DNAJC13: variants seen among roughly 807,000 people sequenced by gnomAD.
DNAJC13 encodes the protein dnaJ homolog subfamily C member 13.
Under a neutral mutation model 290.5 loss-of-function variants are expected in DNAJC13, and 75 were observed. The ratio of observed to expected loss-of-function variants is 0.26; its 90% CI spans 0.21 to 0.31. DNAJC13 has a LOEUF of 0.31. DNAJC13 is among the 10% of genes least tolerant of loss of function. DNAJC13 has a pLI of 1.00. For missense variants in DNAJC13, 2,260 were observed against 2,674.5 expected (o/e 0.85, Z 3.42); for synonymous variants, 862 against 892.0 (o/e 0.97, Z 0.60).
chr3:132,486,082 CTTTTTTTTTTT>C (rs758049804), intron 29 of DNAJC13, among the ~76,000 whole-genome samples: 4 of 40,510 alleles, frequency 9.9e-5, no homozygotes, highest in East Asian at 6.8e-4. Flanking sequence ...ATGCCCTATC[CTTTTTTTTTTT>C]TTTTTTTTTT....
At chr3:132,473,054 A>G (rs757892080) in intron 20 of DNAJC13, 91 bp from the exon 21 acceptor site, 12 of 816,018 alleles carry the variant, frequency 1.5e-5, no homozygotes, top group Non-Finnish European at 2.4e-5. Context: ...GATGAAAGAA[A>G]TGTTTCTCAT....
chr3:132,456,864 A>G (rs377268377), intron 12 of DNAJC13, 32 bp downstream of exon 12: 46 of 1,606,058 alleles, frequency 2.9e-5, no homozygotes, highest in Middle Eastern at 1.7e-4. Flanking sequence ...AACTTCTCTT[A>G]GAGAATTTGA....
chr3:132,435,789 CATAAT>C lies in DNAJC13; in HGVS notation c.68+1174_68+1178del, dbSNP rs1370341680. 3.3e-5 allele frequency among the ~76,000 whole-genome samples: 5 copies of C among 152,248 alleles called. No homozygotes were observed. In the East Asian group the frequency reaches 7.7e-4, roughly 23 times the overall value. On this transcript the variant is annotated intron_variant, in intron 2 of 55. Coordinates refer to ENST00000260818, the MANE Select transcript of DNAJC13 (RefSeq NM_015268.4). ...TCAAGTGGTAGATTACTTTGGTCAT[CATAAT>C]ATGACTTCCGTTTTTAATATGATTA...
intron 55 of DNAJC13, chr3:132,537,411 G>T (rs776668661): frequency 1.2e-5 from 4 of 347,252 alleles, no homozygotes; most frequent in Non-Finnish European, 2.3e-5. Flanking sequence ...AGTGTCCCTT[G>T]CAAGTACTTG....
At chr3:132,472,918 T>C (rs920582819) in intron 20 of DNAJC13, among the ~76,000 whole-genome samples, 1 of 152,250 alleles carries the variant, frequency 6.6e-6, no homozygotes, top group Admixed American at 6.5e-5. Flanking sequence ...ACATGGAAAA[T>C]ACTTGAGTAA....
In DNAJC13 at chr3:132,502,188, C is replaced by T. The variant is rs377434078; in HGVS notation, c.4537-101C>T. 44 of 964,918 alleles carry T rather than the reference C, an allele frequency of 4.6e-5. No homozygotes were observed. The East Asian group carries it at 5.2e-4, about 12-fold the overall frequency. The allele number at this position is 964,918 out of a possible 1,614,324, so 59.8% of individuals were successfully genotyped here. A position where few individuals can be genotyped will look rare whatever the true frequency, so the allele number is the denominator to read the frequency against. The stretch of plus-strand genomic sequence containing the variant: ...AAGAGGTAAACATTTTACAAAATAA[C>T]GTGGTTGGCTTGACATACATGCACA... On this transcript the variant is annotated intron_variant, in intron 39 of 55. Coordinates refer to ENST00000260818, the MANE Select transcript of DNAJC13 (RefSeq NM_015268.4).
chr3:132,420,113 AC>A (rs1938911821), intron 1 of DNAJC13, among the ~76,000 whole-genome samples: 1 of 152,224 alleles, frequency 6.6e-6, no homozygotes, highest in African/African-American at 2.4e-5. Flanking sequence ...ATTTCTGTTT[AC>A]CGTCTTCAGA....
intron 1 of DNAJC13, among the ~76,000 whole-genome samples, chr3:132,423,855 A>G (rs909659923): frequency 6.6e-6 from 1 of 152,226 alleles, no homozygotes; most frequent in Non-Finnish European, 1.5e-5. Flanking sequence ...CGCATTATGC[A>G]TTTACTGTAA....
At chr3:132,513,172 C>A in intron 45 of DNAJC13, 73 bp downstream of exon 45, 1 of 1,270,144 alleles carries the variant, frequency 7.9e-7, no homozygotes, top group Non-Finnish European at 1.1e-6. Flanking sequence ...CTCTATCAGT[C>A]ATTGTCTGAA....
chr3:132,471,708 C>T (rs1351473848), intron 20 of DNAJC13, among the ~76,000 whole-genome samples: 1 of 122,260 alleles, frequency 8.2e-6, no homozygotes, highest in Non-Finnish European at 1.8e-5. Flanking sequence ...AAGAGGCGCT[C>T]CTCACTTCCT....
At chr3:132,494,039 T>C (rs986538293) in intron 33 of DNAJC13, 105 bp from the exon 34 acceptor site, 3 of 788,900 alleles carry the variant, frequency 3.8e-6, no homozygotes, top group Non-Finnish European at 5.9e-6. Flanking sequence ...ATTGGACAGC[T>C]AAAAGTATCC....
Position 132,475,182 on chromosome 3 carries a change from G to A in DNAJC13, c.2445+97G>A, listed in dbSNP as rs557375328. 5.3e-5 allele frequency: 43 copies of A among 814,298 alleles called. No individual in the cohort carries two copies. In the Middle Eastern group the frequency reaches 1.2e-3, roughly 22 times the overall value. 50.4% of individuals were successfully genotyped at this position (814,298 alleles called of 1,614,324 possible). A position where few individuals can be genotyped will look rare whatever the true frequency, so the allele number is the denominator to read the frequency against. ...TAAAAAAATTTGTAATTACATATCT[G>A]GTCTTTACCTTTCCCCCTTTAATGT... On this transcript the variant is annotated intron_variant, in intron 22 of 55. Transcript: ENST00000260818.
chr3:132,496,462 T>A (rs951984433), intron 35 of DNAJC13, 66 bp from the exon 36 acceptor site: 5 of 1,382,638 alleles, frequency 3.6e-6, no homozygotes, highest in Admixed American at 2.2e-5. Flanking sequence ...GCAAACCATA[T>A]GTCTTGTTTA....
intron 5 of DNAJC13, among the ~76,000 whole-genome samples, chr3:132,449,069 A>AAG: frequency 6.6e-6 from 1 of 152,168 alleles, no homozygotes; most frequent in Non-Finnish European, 1.5e-5. Context: ...TACCTCTAGA[A>AAG]GATTGCCCAA....
At position 132,460,280 on chromosome 3, in the gene DNAJC13, G is replaced by A; in HGVS notation, c.1480G>A (p.Glu494Lys). 6.2e-7 allele frequency: 1 copy of A among 1,610,496 alleles called. No individual in the cohort carries two copies. Among genetic ancestry groups the A allele is most frequent in the South Asian group, 1.1e-5 (1 of 90,764 alleles). The change falls in exon 14 of 56, where the codon GAA (glutamate) becomes AAA (lysine). Residue 494 changes from glutamate to lysine, a missense_variant. This residue lies in a region of DNAJC13 where 762 missense variants were observed against 964.1 expected (regional missense o/e 0.79). Transcript: ENST00000260818. Reference sequence around the variant, plus strand: ...GCATGATGACTATGACTTAAGACAAGAACAGTTGAACAAAGCTTCTCTTCT... The same window carrying A: ...GCATGATGACTATGACTTAAGACAAAAACAGTTGAACAAAGCTTCTCTTCT... ...PMHDDYDLRQ[E>K]QLNKASLLSS... is the part of the protein sequence containing the mutation.
At position 132,538,214 on chromosome 3, in the gene DNAJC13, A is replaced by G. The variant is rs776815082; in HGVS notation, c.6664A>G (p.Thr2222Ala). Reference sequence around the variant, plus strand: ...TGGCTACCTTACCGCAGGTACATCTACATCAGTCATGTCTAACCTGCCACC... The same window carrying G: ...TGGCTACCTTACCGCAGGTACATCTGCATCAGTCATGTCTAACCTGCCACC... ...VAGYLTAGTSTSVMSNLPPPV... is the reference protein window; with the variant it reads ...VAGYLTAGTSASVMSNLPPPV... The change falls in exon 56 of 56, where the codon ACA (threonine) becomes GCA (alanine). Residue 2222 changes from threonine (T) to alanine (A), a missense_variant. This residue lies in a region of DNAJC13 where 1,494 missense variants were observed against 1,693.7 expected (regional missense o/e 0.88). Transcript: ENST00000260818. 3 of 1,613,940 alleles carry G rather than the reference A, an allele frequency of 1.9e-6. No homozygotes were observed. Among genetic ancestry groups the G allele is most frequent in the South Asian group, 2.2e-5 (2 of 91,064 alleles).
In DNAJC13 at chr3:132,450,733, T is replaced by C; in HGVS notation, c.423T>C (p.Asn141=). ...EVTPGGFDQI[N]PATNRVLCSY... ...CTCCAGGAGGCTTTGACCAAATTAATCCTGCAACCAACAGAGTACTCTGTT... is the reference window on the plus strand; with the variant it reads ...CTCCAGGAGGCTTTGACCAAATTAACCCTGCAACCAACAGAGTACTCTGTT... Residue 141 remains asparagine (N), a synonymous_variant, in exon 6 of 56, where the codon AAT becomes AAC. Coordinates refer to ENST00000260818, the MANE Select transcript of DNAJC13 (RefSeq NM_015268.4). The C allele has an allele frequency of 1.2e-6, 2 of 1,613,036 alleles. No homozygotes were observed. Among genetic ancestry groups the C allele is most frequent in the Non-Finnish European group, 1.7e-6 (2 of 1,179,238 alleles).
At chr3:132,466,813 C>T (rs573411683) in intron 19 of DNAJC13, among the ~76,000 whole-genome samples, 1 of 152,020 alleles carries the variant, frequency 6.6e-6, no homozygotes, top group Non-Finnish European at 1.5e-5. Context: ...TTTTTCCTTA[C>T]AAGATCTATG....
At chr3:132,528,821 C>T (rs541579406) in intron 54 of DNAJC13, among the ~76,000 whole-genome samples, 165 of 151,318 alleles carry the variant, frequency 1.1e-3, no homozygotes, top group Admixed American at 2.5e-3. Flanking sequence ...TAATGTATTT[C>T]AGCTGCACGT....
Sources: gnomAD v4.1 joint callset for allele counts (sites outside exome capture counted in the v4.1 genomes callset) on GRCh38, gnomAD v4.1.1 for gene constraint, gnomAD v4.1.1 regional missense constraint, MANE v1.5 for transcripts, NCBI Gene and HGNC (gene_info 2026-07-23, HGNC 2026-07-21) for gene names.